The following UGT1A3 variants were observed in gnomAD, a reference collection of about 807,000 sequenced individuals.
UGT1A3 encodes UDP-glucuronosyltransferase 1A3.
A neutral mutation model predicts 41.0 loss-of-function variants in UGT1A3; 31 were observed. That is an observed-to-expected ratio of 0.76 (90% CI 0.57 to 1.02). The LOEUF is 1.02. Among genes scored for constraint, UGT1A3 ranks in the 50% least tolerant of loss-of-function variants. The pLI is 0.00. For missense variants in UGT1A3, 737 were observed against 671.0 expected (o/e 1.10, Z -1.09); for synonymous variants, 262 against 257.6 (o/e 1.02, Z -0.17).
intron 1 of UGT1A3, among the ~76,000 whole-genome samples, chr2:233,739,452 G>A (rs115541121): frequency 6.6e-6 from 1 of 152,196 alleles, no homozygotes; most frequent in Non-Finnish European, 1.5e-5. Flanking sequence ...AAGCCACAGG[G>A]TTGGAGCTGC....
chr2:233,732,771 T>G (rs74968543), intron 1 of UGT1A3, among the ~76,000 whole-genome samples: 78 of 146,658 alleles, frequency 5.3e-4, no homozygotes, highest in Admixed American at 6.8e-5. Flanking sequence ...TTTTTTTTTT[T>G]GCTTAGGATT....
intron 1 of UGT1A3, among the ~76,000 whole-genome samples, chr2:233,741,313 C>T (rs1377772642): frequency 1.3e-5 from 2 of 151,788 alleles, no homozygotes; most frequent in African/African-American, 4.9e-5. Flanking sequence ...TACACACCAA[C>T]TCATTCTACT....
chr2:233,760,489 A>G (rs756552149), intron 1 of UGT1A3: 1 of 1,614,150 alleles, frequency 6.2e-7, no homozygotes, highest in Non-Finnish European at 8.5e-7. Context: ...CTCGTTGTAC[A>G]TCAGAGACGG....
At chr2:233,753,957 TAA>T (rs1695357056) in intron 1 of UGT1A3, among the ~76,000 whole-genome samples, 1 of 152,156 alleles carries the variant, frequency 6.6e-6, no homozygotes, top group Non-Finnish European at 1.5e-5. Flanking sequence ...TCCAAAATAT[TAA>T]GAGAATAACG....
chr2:233,734,819 C>T (rs192367390), intron 1 of UGT1A3, among the ~76,000 whole-genome samples: 11 of 152,204 alleles, frequency 7.2e-5, no homozygotes, highest in South Asian at 2.1e-4. Flanking sequence ...TGTAGTTGTG[C>T]GATTTTGAGT....
chr2:233,756,609 A>G (rs1242342387), intron 1 of UGT1A3, among the ~76,000 whole-genome samples: 4 of 152,200 alleles, frequency 2.6e-5, no homozygotes, highest in Admixed American at 2.0e-4. Flanking sequence ...CGAAACCATT[A>G]AGACTTGCAG....
At chr2:233,747,573 T>C (rs1169792054) in intron 1 of UGT1A3, 7 of 1,587,232 alleles carry the variant, frequency 4.4e-6, no homozygotes, top group African/African-American at 1.4e-5. Flanking sequence ...GAAAAATTCA[T>C]CTTTGGTCTT....
In UGT1A3 at chr2:233,751,878, G is replaced by T. The variant is rs139907629; in HGVS notation, c.868-15156G>T. On this transcript the variant is annotated intron_variant, in intron 1 of 4. Transcript: ENST00000482026. ...GTCTTTTATAAATTACCCCGTCTTG[G>T]GTATGTCTTTATAGCAGTGTGAGAA... Among the ~76,000 whole-genome samples the T allele has an allele frequency of 2.6e-5, 4 of 152,104 alleles. No homozygotes were observed. In the East Asian group the frequency reaches 7.7e-4, roughly 29 times the overall value.
chr2:233,754,977 T>C (rs754870869), intron 1 of UGT1A3: 1 of 1,298,334 alleles, frequency 7.7e-7, no homozygotes, highest in Non-Finnish European at 1.0e-6. Context: ...CCTGAAGACC[T>C]CGGCGGGGTC....
chr2:233,751,264 C>CT (rs1248433988), intron 1 of UGT1A3, among the ~76,000 whole-genome samples: 2 of 151,872 alleles, frequency 1.3e-5, no homozygotes, highest in Admixed American at 1.3e-4. Context: ...CTGTAGCCCC[C>CT]TTTTTTTGGC....
chr2:233,755,411 C>T (rs1182147250), intron 1 of UGT1A3: 6 of 330,824 alleles, frequency 1.8e-5, no homozygotes, highest in African/African-American at 1.1e-4. Flanking sequence ...TTGGCCGAGG[C>T]CTGTGAGCGC....
chr2:233,731,097 C>G (rs1453448635), intron 1 of UGT1A3, among the ~76,000 whole-genome samples: 1 of 151,946 alleles, frequency 6.6e-6, no homozygotes, highest in African/African-American at 2.4e-5. Flanking sequence ...ATTTCTGTGC[C>G]TTTTTTATAA....
intron 4 of UGT1A3, 99 bp downstream of exon 4, chr2:233,768,538 C>T: frequency 1.5e-6 from 2 of 1,345,412 alleles, no homozygotes; most frequent in South Asian, 1.4e-5. Context: ...AGCGTTGTTT[C>T]AAATATAAAA....
intron 1 of UGT1A3, among the ~76,000 whole-genome samples, chr2:233,732,141 T>G (rs532123817): frequency 9.3e-4 from 141 of 151,992 alleles, no homozygotes; most frequent in African/African-American, 3.3e-3. Flanking sequence ...TGTTTGTTTG[T>G]TTTTTTTCTT....
At chr2:233,755,343 G>C (rs1398050139) in intron 1 of UGT1A3, 2 of 413,026 alleles carry the variant, frequency 4.8e-6, no homozygotes, top group Non-Finnish European at 8.6e-6. Flanking sequence ...GCACAGGTCA[G>C]AGGCTTGGCG....
rs1350270227 is a variant in UGT1A3 at position 233,745,087 on chromosome 2, TC to T, written c.867+15100del. On this transcript the variant is annotated intron_variant, in intron 1 of 4. Transcript: ENST00000482026. Reference sequence around the variant, plus strand: ...ATTTGTATTGTTTTTTCATTGCTCTTCCCCCCAAATATTTTTAATCTGCTGT... The same window carrying T: ...ATTTGTATTGTTTTTTCATTGCTCTTCCCCCAAATATTTTTAATCTGCTGT... 1.1e-4 allele frequency among the ~76,000 whole-genome samples: 17 copies of T among 151,820 alleles called. 1 individual carries two copies. Among genetic ancestry groups the T allele is most frequent in the African/African-American group, 4.1e-4 (17 of 41,100 alleles).
In UGT1A3 at chr2:233,730,352, T is replaced by A. The variant is rs190569786; in HGVS notation, c.867+359T>A. On this transcript the variant is annotated intron_variant, in intron 1 of 4. Coordinates refer to ENST00000482026, the MANE Select transcript of UGT1A3 (RefSeq NM_019093.4). ...ACGTTTGGAACTGATCCATCCTGGA[T>A]TTTTTGCTAGCATGATTTTCAGGGG... 3.3e-5 allele frequency among the ~76,000 whole-genome samples: 5 copies of A among 152,298 alleles called. No homozygotes were observed. The East Asian group carries it at 9.6e-4, about 29-fold the overall frequency.
chr2:233,762,127 G>T (rs528651361), intron 1 of UGT1A3, among the ~76,000 whole-genome samples: 5 of 152,204 alleles, frequency 3.3e-5, no homozygotes, highest in African/African-American at 1.2e-4. Flanking sequence ...TGAGCCATGT[G>T]GGGACCTGTG....
rs12471326 is a variant in UGT1A3 at position 233,767,812 on chromosome 2, T to C, written c.1000-37T>C. ...AGATTTGTTTTCTAATCATATTATGTTCTTTCTTTACGTTCTGCTCTTTTT... is the reference window on the plus strand; with the variant it reads ...AGATTTGTTTTCTAATCATATTATGCTCTTTCTTTACGTTCTGCTCTTTTT... On this transcript the variant is annotated intron_variant, in intron 2 of 4. Transcript: ENST00000482026. The C allele has an allele frequency of 0.03, 48,630 of 1,614,140 alleles. 974 individuals are homozygous for C. The highest frequency in any genetic ancestry group is 0.09 in the Admixed American group (5,377 of 60,016).
Sources: allele counts gnomAD v4.1 joint callset (sites outside exome capture counted in the v4.1 genomes callset), GRCh38; gene constraint gnomAD v4.1.1; transcripts MANE v1.5; gene names NCBI Gene and HGNC (gene_info 2026-07-23, HGNC 2026-07-21).